Variants in ALKBH3 observed in about 807,000 individuals in gnomAD.
ALKBH3 encodes the protein alpha-ketoglutarate-dependent dioxygenase alkB homolog 3.
A neutral mutation model predicts 43.9 loss-of-function variants in ALKBH3; 51 were observed. That is an observed-to-expected ratio of 1.16 (90% CI 0.93 to 1.47). The LOEUF is 1.47. Ranked by LOEUF, ALKBH3 falls within the 40% of genes most tolerant of loss-of-function variation. The pLI is 0.00. For synonymous variants in ALKBH3, 102 were observed against 115.2 expected, an observed-to-expected ratio of 0.89 and a Z score of 0.73; for missense variants, 361 against 351.9, an observed-to-expected ratio of 1.03 and a Z score of -0.21.
At chr11:43,901,913 A>T (rs2434485) in intron 8 of ALKBH3, among the ~76,000 whole-genome samples, 188 bp downstream of exon 8, 127,320 of 152,268 alleles carry the variant, frequency 0.84, 54,106 homozygotes, top group East Asian at 0.98. Context: ...TTCATTTACA[A>T]GTCCAACAAG....
Position 43,897,125 on chromosome 11 carries a change from C to T in ALKBH3, c.460-4391C>T, listed in dbSNP as rs989399922. On this transcript the variant is annotated intron_variant, in intron 7 of 9. Transcript: ENST00000302708. ...TGGCTTATTTTTTATAGAGAGGGGT[C>T]TCAGTTTATTGCCCTGGCTGACAGT... The T allele has an allele frequency of 1.9e-4, 79 of 405,328 alleles. No homozygotes were observed. The Admixed American group carries it at 2.2e-3, about 12-fold the overall frequency. 25.1% of individuals were successfully genotyped at this position (405,328 alleles called of 1,614,324 possible). A position where few individuals can be genotyped will look rare whatever the true frequency, so the allele number is the denominator to read the frequency against.
Position 43,920,245 on chromosome 11 carries a change from A to G in ALKBH3, c.*235A>G, listed in dbSNP as rs1952016129. 2.2e-6 allele frequency: 1 copy of G among 459,690 alleles called. No individual in the cohort carries two copies. Among genetic ancestry groups the G allele is most frequent in the East Asian group, 3.7e-5 (1 of 27,332 alleles). The allele number at this position is 459,690 out of a possible 1,614,324, so 28.5% of individuals were successfully genotyped here. The stretch of plus-strand genomic sequence containing the variant: ...TCAAAATCGCTATCATCTTTAGGCA[A>G]ATTAAAATCTATGTGGCAGTGCTCA... On this transcript the variant is annotated 3_prime_UTR_variant, in exon 10 of 10. Coordinates refer to ENST00000302708, the MANE Select transcript of ALKBH3 (RefSeq NM_139178.4).
intron 2 of ALKBH3, 111 bp downstream of exon 2, chr11:43,882,842 A>T: frequency 8.2e-7 from 1 of 1,215,444 alleles, no homozygotes; most frequent in Non-Finnish European, 1.1e-6. Context: ...ACGTCAAGGA[A>T]TTGTTTAAAA....
chr11:43,892,687 G>T (rs922038839), intron 7 of ALKBH3, among the ~76,000 whole-genome samples: 1 of 152,178 alleles, frequency 6.6e-6, no homozygotes, highest in Non-Finnish European at 1.5e-5. Context: ...GCTCATCCAG[G>T]GGATAGAGTT....
intron 8 of ALKBH3, among the ~76,000 whole-genome samples, chr11:43,907,210 A>AGT (rs781217263): frequency 8.2e-4 from 123 of 150,212 alleles, no homozygotes; most frequent in Non-Finnish European, 1.5e-3. Context: ...AGAGAGAGAG[A>AGT]GAGTGTGTGT....
At chr11:43,912,601 A>G (rs1951948543) in intron 8 of ALKBH3, 2 of 152,184 alleles carry the variant, frequency 1.3e-5, no homozygotes, top group South Asian at 2.1e-4. Flanking sequence ...TTGCTCATCT[A>G]AGGAATCAGA....
rs757042976 is a variant in ALKBH3 at position 43,892,103 on chromosome 11, AGAATCACTATG to A, written c.437_447del (p.Ile146ThrfsTer17). The A allele has an allele frequency of 3.5e-5, 57 of 1,613,348 alleles. No individual in the cohort carries two copies. The highest frequency in any genetic ancestry group is 1.2e-4 in the Admixed American group (7 of 60,008). ...TGGAGAACTTCCTTACACTTATTCA[AGAATCACTATG>A]GAACCAAATCCTCACGTATGTCAAC... On this transcript the variant is annotated frameshift_variant, in exon 7 of 10. Coordinates refer to ENST00000302708, the MANE Select transcript of ALKBH3 (RefSeq NM_139178.4). LOFTEE classifies it high-confidence loss of function.
rs71035662 is a variant in ALKBH3 at position 43,896,268 on chromosome 11, TACACACACAC to T, written c.459+4162_459+4171del. 6.1e-3 allele frequency among the ~76,000 whole-genome samples: 896 copies of T among 147,368 alleles called. 9 individuals are homozygous for T. Among genetic ancestry groups the T allele is most frequent in the Middle Eastern group, 0.017 (5 of 290 alleles). Reference sequence around the variant, plus strand: ...AGAGGGACAGAACTAATAGGATAGATACACACACACACACACACACACACACACACACGTA... The same window carrying T: ...AGAGGGACAGAACTAATAGGATAGATACACACACACACACACACACACGTA... On this transcript the variant is annotated intron_variant, in intron 7 of 9. Transcript: ENST00000302708.
At chr11:43,898,167 A>T in intron 7 of ALKBH3, 1 of 1,233,832 alleles carries the variant, frequency 8.1e-7, no homozygotes, top group South Asian at 1.2e-5. Flanking sequence ...ACATCAAGAG[A>T]TACCTGGGCG....
At chr11:43,885,047 T>A (rs1294901238) in intron 4 of ALKBH3, among the ~76,000 whole-genome samples, 1 of 152,116 alleles carries the variant, frequency 6.6e-6, no homozygotes, top group Non-Finnish European at 1.5e-5. Flanking sequence ...TGAGCTACCA[T>A]GCCAGGCCTT....
chr11:43,919,174 G>A, intron 9 of ALKBH3, 38 bp downstream of exon 9: 1 of 1,543,508 alleles, frequency 6.5e-7, no homozygotes, highest in Non-Finnish European at 8.9e-7. Flanking sequence ...GCTTTCATGT[G>A]GAGGCAGTTT....
Position 43,880,898 on chromosome 11 carries a change from C to T in ALKBH3, c.-352C>T, listed in dbSNP as rs1306798048. On this transcript the variant is annotated 5_prime_UTR_variant, in exon 1 of 10. Coordinates refer to ENST00000302708, the MANE Select transcript of ALKBH3 (RefSeq NM_139178.4). ...CTGCGAGGGCTGCCCCAAGTCCTAC[C>T]GGGTTTGCACGGGCGCGCCCGGCTC... The T allele has an allele frequency of 1.3e-5, 2 of 152,342 alleles. No individual in the cohort carries two copies. Among genetic ancestry groups the T allele is most frequent in the Admixed American group, 1.3e-4 (2 of 15,276 alleles). 9.4% of individuals were successfully genotyped at this position (152,342 alleles called of 1,614,324 possible). A position where few individuals can be genotyped will look rare whatever the true frequency, so the allele number is the denominator to read the frequency against.
intron 7 of ALKBH3, 113 bp from the exon 8 acceptor site, chr11:43,901,403 A>G (rs1565126705): frequency 1.7e-6 from 2 of 1,178,684 alleles, no homozygotes; most frequent in South Asian, 1.4e-5. Flanking sequence ...TGCTTATTAC[A>G]TGCCCTGGTT....
intron 8 of ALKBH3, among the ~76,000 whole-genome samples, chr11:43,908,755 G>A (rs979307664): frequency 5.3e-5 from 8 of 152,176 alleles, no homozygotes; most frequent in Admixed American, 3.3e-4. Context: ...AACAGTAAAC[G>A]CTGTCAGCAG....
At chr11:43,899,224 C>A in intron 7 of ALKBH3, 1 of 749,334 alleles carries the variant, frequency 1.3e-6, no homozygotes, top group Non-Finnish European at 2.5e-6. Flanking sequence ...GGCAGTGGGG[C>A]CGTGACTACA....
chr11:43,883,813 G>A (rs944319865), intron 3 of ALKBH3, among the ~76,000 whole-genome samples, 170 bp from the exon 4 acceptor site: 21 of 152,256 alleles, frequency 1.4e-4, no homozygotes, highest in Non-Finnish European at 2.2e-4. Flanking sequence ...CAAATGTGAA[G>A]TAGTTTTAAG....
intron 5 of ALKBH3, 24 bp downstream of exon 5, chr11:43,886,677 G>A (rs1488235275): frequency 6.2e-7 from 1 of 1,609,394 alleles, no homozygotes; most frequent in South Asian, 1.1e-5. Flanking sequence ...CACAAGAAGT[G>A]ACCGTAATTA....
chr11:43,912,748 A>C (rs1020053832), intron 8 of ALKBH3, among the ~76,000 whole-genome samples: 1 of 152,210 alleles, frequency 6.6e-6, no homozygotes, highest in African/African-American at 2.4e-5. Flanking sequence ...CATGGCATTT[A>C]TTTTTTAAAA....
chr11:43,908,207 A>G (rs1053755086), intron 8 of ALKBH3, among the ~76,000 whole-genome samples: 4 of 152,220 alleles, frequency 2.6e-5, no homozygotes, highest in African/African-American at 7.2e-5. Context: ...CCAGATTTCA[A>G]TTAGGATGAG....
Sources: gnomAD v4.1 joint callset for allele counts (sites outside exome capture counted in the v4.1 genomes callset) on GRCh38, gnomAD v4.1.1 for gene constraint, MANE v1.5 for transcripts, NCBI Gene and HGNC (gene_info 2026-07-23, HGNC 2026-07-21) for gene names.